PDGFRL: variants seen among roughly 807,000 people sequenced by gnomAD.
The protein encoded by PDGFRL is platelet-derived growth factor receptor-like protein.
PDGFRL carries 46 observed loss-of-function variants against 37.2 expected under a neutral mutation model. The observed-to-expected ratio is 1.24, with a 90% CI of 0.98 to 1.58. PDGFRL has a LOEUF of 1.58. Among genes scored for constraint, PDGFRL ranks in the 40% most tolerant of loss-of-function variants. PDGFRL has a pLI of 0.00. For synonymous variants in PDGFRL, 251 were observed against 184.3 expected, an observed-to-expected ratio of 1.36 and a Z score of -2.93; for missense variants, 692 against 467.6, an observed-to-expected ratio of 1.48 and a Z score of -4.43.
Position 17,577,301 on chromosome 8 carries a change from G to A in PDGFRL, c.49G>A (p.Glu17Lys), listed in dbSNP as rs765002393. The change falls in exon 1 of 6, where the codon GAG becomes AAG. Residue 17 changes from glutamate to lysine, a missense_variant. Glu to Lys is a moderately conservative substitution (Grantham distance 56). Coordinates refer to ENST00000251630, the MANE Select transcript of PDGFRL (RefSeq NM_001372073.1). ...TCTTCTGCTGGTGCACGAAGCGCTG[G>A]AGGATGGTGAGTGACTCTGGGCGCG... The part of the protein sequence containing the change: ...LGLLLVHEAL[E>K]DVTGQHLPKN... 1.1e-5 allele frequency: 17 copies of A among 1,612,638 alleles called. No individual in the cohort carries two copies. The highest frequency in any genetic ancestry group is 1.4e-5 in the Non-Finnish European group (16 of 1,179,484).
intron 1 of PDGFRL, among the ~76,000 whole-genome samples, chr8:17,581,839 C>T (rs1803714379): frequency 6.6e-6 from 1 of 152,094 alleles, no homozygotes; most frequent in African/African-American, 2.4e-5. Flanking sequence ...CAACCCAGCC[C>T]TACGTATTCC....
intron 3 of PDGFRL, among the ~76,000 whole-genome samples, chr8:17,628,051 T>C (rs2129797721): frequency 7.1e-6 from 1 of 141,186 alleles, no homozygotes. Flanking sequence ...TGGAGTGCAG[T>C]GGCGCTATCT....
rs1368664366 is a variant in PDGFRL, at chr8:17,628,054, C to CAT, written c.506-433_506-432insAT. On this transcript the variant is annotated intron_variant, in intron 3 of 5. Transcript: ENST00000251630. ...TGTCGCCCAGGCTGGAGTGCAGTGGCGCTATCTCGGCTCACTGCAAGCTCC... is the reference window on the plus strand; with the variant it reads ...TGTCGCCCAGGCTGGAGTGCAGTGGCATGCTATCTCGGCTCACTGCAAGCTCC... Among the ~76,000 whole-genome samples the CAT allele has an allele frequency of 3.1e-3, 400 of 130,476 alleles. 4 individuals carry two copies. Among genetic ancestry groups the CAT allele is most frequent in the Non-Finnish European group, 3.2e-3 (210 of 65,198 alleles). The allele number at this position is 130,476 out of a possible 152,430, so 85.6% of individuals were successfully genotyped here.
intron 2 of PDGFRL, among the ~76,000 whole-genome samples, chr8:17,594,506 T>G (rs1804010312): frequency 6.6e-6 from 1 of 151,854 alleles, no homozygotes; most frequent in Admixed American, 6.6e-5. Context: ...CTCCTGTAAG[T>G]GCTGGGATTC....
chr8:17,641,823 A>G (rs1412605530), intron 5 of PDGFRL, among the ~76,000 whole-genome samples: 3 of 149,044 alleles, frequency 2.0e-5, no homozygotes, highest in Admixed American at 6.8e-5. Context: ...GTTTTCCGGC[A>G]TCCTGGTACC....
rs1428740769 is a variant in PDGFRL, at chr8:17,589,451, C to T, written c.56-17C>T. 2.5e-6 allele frequency: 4 copies of T among 1,594,712 alleles called. No homozygotes were observed. The South Asian group carries it at 3.3e-5, about 13-fold the overall frequency. On this transcript the variant is annotated splice_polypyrimidine_tract_variant and intron_variant, in intron 1 of 5. Coordinates refer to ENST00000251630, the MANE Select transcript of PDGFRL (RefSeq NM_001372073.1). ...TGTCATTACTACAGCGCATTTCTCT[C>T]TCCTTACGTTTTGCAGTTACTGGCC...
chr8:17,577,103 A>G, upstream of PDGFRL: 4 of 1,077,200 alleles, frequency 3.7e-6, no homozygotes, highest in Non-Finnish European at 5.1e-6. Flanking sequence ...AAAATTCCCC[A>G]ACTTTTTCCC....
intron 2 of PDGFRL, among the ~76,000 whole-genome samples, chr8:17,592,932 A>G (rs2705016): frequency 0.58 from 87,677 of 150,066 alleles, 27,139 homozygotes; most frequent in East Asian, 0.83. Flanking sequence ...ACACACACAC[A>G]CACACACACA....
At chr8:17,621,734 G>A (rs1426899600) in intron 3 of PDGFRL, among the ~76,000 whole-genome samples, 1 of 152,164 alleles carries the variant, frequency 6.6e-6, no homozygotes, top group African/African-American at 2.4e-5. Context: ...CAGTGCTGCT[G>A]TTGACTTTCA....
chr8:17,577,345 C>G, intron 1 of PDGFRL, 38 bp downstream of exon 1: 1 of 1,576,800 alleles, frequency 6.3e-7, no homozygotes, highest in Non-Finnish European at 8.7e-7. Context: ...TAGCTTGTGC[C>G]CTGACTTTAG....
chr8:17,600,602 C>A (rs1035440500), intron 2 of PDGFRL, among the ~76,000 whole-genome samples: 1 of 151,298 alleles, frequency 6.6e-6, no homozygotes, highest in Non-Finnish European at 1.5e-5. Flanking sequence ...GACTTTGAGA[C>A]CAGCCTGAGC....
At chr8:17,634,709 A>C (rs898986939) in intron 5 of PDGFRL, among the ~76,000 whole-genome samples, 7 of 152,194 alleles carry the variant, frequency 4.6e-5, no homozygotes, top group African/African-American at 1.7e-4. Context: ...TTAGCAAACT[A>C]ACACAGAAAC....
At chr8:17,629,579 T>A (rs950426860) in intron 4 of PDGFRL, among the ~76,000 whole-genome samples, 1 of 152,150 alleles carries the variant, frequency 6.6e-6, no homozygotes, top group Non-Finnish European at 1.5e-5. Flanking sequence ...ACCAGCATTC[T>A]CATTTCCTTT....
chr8:17,613,703 C>A (rs1289832727), intron 2 of PDGFRL, among the ~76,000 whole-genome samples: 2 of 152,086 alleles, frequency 1.3e-5, no homozygotes, highest in African/African-American at 4.8e-5. Flanking sequence ...CGTAGGAAGC[C>A]CCTGTCTCTA....
At chr8:17,602,781 T>C (rs1450279275) in intron 2 of PDGFRL, among the ~76,000 whole-genome samples, 1 of 152,122 alleles carries the variant, frequency 6.6e-6, no homozygotes. Flanking sequence ...GAAGGTCCAC[T>C]AGATGGCAGG....
At chr8:17,606,633 C>A (rs1386332571) in intron 2 of PDGFRL, among the ~76,000 whole-genome samples, 1 of 152,226 alleles carries the variant, frequency 6.6e-6, no homozygotes, top group East Asian at 1.9e-4. Context: ...TACAAGACTT[C>A]CCCCAGTGTA....
intron 5 of PDGFRL, among the ~76,000 whole-genome samples, chr8:17,641,103 G>T (rs1805082825): frequency 1.3e-5 from 2 of 152,250 alleles, no homozygotes; most frequent in South Asian, 4.1e-4. Context: ...AGCCCAAAGG[G>T]CCGGTCTCAC....
intron 5 of PDGFRL, among the ~76,000 whole-genome samples, chr8:17,640,223 T>C (rs1805062789): frequency 6.6e-6 from 1 of 152,358 alleles, no homozygotes; most frequent in Admixed American, 6.5e-5. Context: ...AGTTCACCTT[T>C]CTCTGATGCC....
In PDGFRL at chr8:17,589,756, C is replaced by A; in HGVS notation, c.344C>A (p.Ser115Tyr). ...GCGTATCTGGACACCTTTAAGGATT[C>A]TCGCCTCAGGTAAGCATTTTTTTTT... ...YPAYLDTFKDSRLSVKQNERY... is the reference protein window; with the variant it reads ...YPAYLDTFKDYRLSVKQNERY... The change falls in exon 2 of 6, where the codon TCT (serine) becomes TAT (tyrosine). Residue 115 changes from serine (S) to tyrosine (Y), a missense_variant. By Grantham distance (144) the Ser-to-Tyr change is moderately radical. Coordinates refer to ENST00000251630, the MANE Select transcript of PDGFRL (RefSeq NM_001372073.1). 1 of 1,596,424 alleles carries A rather than the reference C, an allele frequency of 6.3e-7. No homozygotes were observed. The highest frequency in any genetic ancestry group is 8.6e-7 in the Non-Finnish European group (1 of 1,168,714).
Sources: allele counts gnomAD v4.1 joint callset (sites outside exome capture counted in the v4.1 genomes callset), GRCh38; gene constraint gnomAD v4.1.1; transcripts MANE v1.5; gene names NCBI Gene and HGNC (gene_info 2026-07-23, HGNC 2026-07-21).